The following DAB1 variants were observed in gnomAD, a reference collection of about 807,000 sequenced individuals.
DAB1 encodes DAB adaptor protein 1.
DAB1 carries 15 observed loss-of-function variants against 64.6 expected under a neutral mutation model. The ratio of observed to expected loss-of-function variants is 0.23; its 90% CI spans 0.16 to 0.36. The LOEUF is 0.36. Ranked by LOEUF, DAB1 falls within the 10% of genes least tolerant of loss-of-function variation. The probability of loss-of-function intolerance (pLI) is 1.00; values close to 1 mark genes in which losing one functional copy is unlikely to be tolerated. For missense variants in DAB1, 596 were observed against 706.7 expected (o/e 0.84, Z 1.78); for synonymous variants, 235 against 251.9 (o/e 0.93, Z 0.64).
chr1:58,514,999 G>C (rs1353174427), intron 2 of DAB1, among the ~76,000 whole-genome samples: 1 of 152,058 alleles, frequency 6.6e-6, no homozygotes, highest in Non-Finnish European at 1.5e-5. Flanking sequence ...ACAGTGCCCA[G>C]CACATTAAAA....
chr1:57,472,350 T>C (rs1687168228), intron 7 of DAB1, among the ~76,000 whole-genome samples: 1 of 152,214 alleles, frequency 6.6e-6, no homozygotes, highest in Non-Finnish European at 1.5e-5. Flanking sequence ...TATTTTTACT[T>C]TGAAACTAAG....
intron 7 of DAB1, among the ~76,000 whole-genome samples, chr1:57,429,845 A>G (rs929614697): frequency 6.6e-6 from 1 of 152,104 alleles, no homozygotes; most frequent in Admixed American, 6.6e-5. Flanking sequence ...TCATTGGTCT[A>G]TGTGTCAGTT....
intron 4 of DAB1, among the ~76,000 whole-genome samples, chr1:58,314,027 AT>A (rs1465766818): frequency 1.3e-5 from 2 of 152,070 alleles, no homozygotes; most frequent in Non-Finnish European, 2.9e-5. Flanking sequence ...ACCTAATATC[AT>A]AATTTTTCTT....
At chr1:57,497,720 G>A (rs901955123) in intron 7 of DAB1, among the ~76,000 whole-genome samples, 1 of 152,208 alleles carries the variant, frequency 6.6e-6, no homozygotes, top group Non-Finnish European at 1.5e-5. Context: ...ATGTCAAGAA[G>A]GGGTAATGGC....
chr1:57,739,673 A>G (rs564862153), intron 6 of DAB1, among the ~76,000 whole-genome samples: 175 of 150,632 alleles, frequency 1.2e-3, no homozygotes, highest in African/African-American at 4.0e-3. Flanking sequence ...GGCTGGTCTC[A>G]AACTCCTGAT....
At chr1:57,023,449 T>C (rs1646684307) in intron 11 of DAB1, 82 bp downstream of exon 11, 1 of 793,788 alleles carries the variant, frequency 1.3e-6, no homozygotes. Context: ...TTTATCATCA[T>C]TCGGTGGCTG....
chr1:57,080,930 A>G (rs1460080233), intron 4 of DAB1, among the ~76,000 whole-genome samples: 1 of 152,194 alleles, frequency 6.6e-6, no homozygotes, highest in African/African-American at 2.4e-5. Context: ...TCATTCCCCA[A>G]AAGCCCTTAG....
At chr1:58,371,446 AAAG>A (rs959502119) in intron 3 of DAB1, among the ~76,000 whole-genome samples, 5 of 152,220 alleles carry the variant, frequency 3.3e-5, no homozygotes, top group African/African-American at 1.2e-4. Context: ...ACTTACGTTT[AAAG>A]AAGAAGCAGA....
chr1:57,787,984 AAATATT>A (rs1650415817), intron 6 of DAB1, among the ~76,000 whole-genome samples: 1 of 65,198 alleles, frequency 1.5e-5, no homozygotes, highest in African/African-American at 6.5e-5. Context: ...TATTATGATT[AAATATT>A]AAAAAAAAAA....
intron 1 of DAB1, among the ~76,000 whole-genome samples, chr1:57,330,905 T>A (rs1358105441): frequency 6.6e-6 from 1 of 152,090 alleles, no homozygotes; most frequent in Admixed American, 6.5e-5. Context: ...TTCCCTCTCC[T>A]CTTCCTGGTG....
intron 5 of DAB1, among the ~76,000 whole-genome samples, chr1:58,129,863 A>T (rs1206522887): frequency 1.4e-5 from 2 of 148,108 alleles, no homozygotes; most frequent in Non-Finnish European, 3.0e-5. Context: ...TGCTGAGGAG[A>T]GCTTTACTTC....
intron 5 of DAB1, among the ~76,000 whole-genome samples, chr1:57,960,902 G>A (rs779124810): frequency 6.6e-6 from 1 of 152,248 alleles, no homozygotes; most frequent in African/African-American, 2.4e-5. Flanking sequence ...GCAAACAGGT[G>A]TAACAGGTAA....
At chr1:58,173,764 G>C (rs1364033831) in intron 4 of DAB1, among the ~76,000 whole-genome samples, 2 of 152,166 alleles carry the variant, frequency 1.3e-5, no homozygotes, top group Non-Finnish European at 2.9e-5. Flanking sequence ...ACCTGTATCT[G>C]CCTCCCTACT....
chr1:57,498,466 C>T (rs142419943), intron 7 of DAB1, among the ~76,000 whole-genome samples: 23 of 152,212 alleles, frequency 1.5e-4, no homozygotes, highest in Admixed American at 1.4e-3. Flanking sequence ...AGAAATGTGT[C>T]CCACCAAAGT....
chr1:57,701,177 C>A (rs1006814957), intron 6 of DAB1, among the ~76,000 whole-genome samples: 3 of 151,966 alleles, frequency 2.0e-5, no homozygotes, highest in Non-Finnish European at 4.4e-5. Context: ...CTAGAAATAC[C>A]ATTTGACCCA....
At chr1:57,252,628 C>T (rs1669438267) in intron 2 of DAB1, among the ~76,000 whole-genome samples, 1 of 152,082 alleles carries the variant, frequency 6.6e-6, no homozygotes, top group African/African-American at 2.4e-5. Context: ...AATAGACCAA[C>T]AATGAAAATA....
chr1:58,481,112 T>A, intron 3 of DAB1: 1 of 871,968 alleles, frequency 1.1e-6, no homozygotes, highest in South Asian at 1.3e-5. Context: ...TGAGTTTGAA[T>A]AGTAATCGAG....
At chr1:57,347,375 T>A (rs549176412) in intron 1 of DAB1, among the ~76,000 whole-genome samples, 75 of 152,290 alleles carry the variant, frequency 4.9e-4, no homozygotes, top group African/African-American at 1.8e-3. Flanking sequence ...TCTCACCCAA[T>A]ATATTAAGGG....
intron 2 of DAB1, among the ~76,000 whole-genome samples, chr1:57,181,394 G>A (rs1366596811): frequency 6.6e-6 from 1 of 152,160 alleles, no homozygotes; most frequent in Middle Eastern, 3.2e-3. Context: ...ACACAGACCT[G>A]ATAATCAATG....
Sources: gnomAD v4.1 joint callset for allele counts (sites outside exome capture counted in the v4.1 genomes callset) on GRCh38, gnomAD v4.1.1 for gene constraint, MANE v1.5 for transcripts, NCBI Gene and HGNC (gene_info 2026-07-23, HGNC 2026-07-21) for gene names.